Variants in SPATS2 observed in about 807,000 individuals in gnomAD.
SPATS2 encodes spermatogenesis-associated serine-rich protein 2.
SPATS2 carries 38 observed loss-of-function variants against 63.7 expected under a neutral mutation model. The ratio of observed to expected loss-of-function variants is 0.60; its 90% CI spans 0.46 to 0.78. The LOEUF is 0.78. Among genes scored for constraint, SPATS2 ranks in the 30% least tolerant of loss-of-function variants. The probability of loss-of-function intolerance (pLI) is 0.00; values close to 1 mark genes in which losing one functional copy is unlikely to be tolerated. For missense variants in SPATS2, 588 were observed against 666.2 expected (o/e 0.88, Z 1.29); for synonymous variants, 207 against 232.9 (o/e 0.89, Z 1.01).
rs368012483 is a variant in SPATS2 at position 49,461,000 on chromosome 12, C to A, written c.-13C>A. ...ACTTTTCTTGTATATTTTTTGAGAT[C>A]GAAGAAACGACAATGTCCAGGAAAC... On this transcript the variant is annotated 5_prime_UTR_variant, in exon 3 of 14. It introduces an in-frame stop codon into an upstream open reading frame of the 5' UTR. Transcript: ENST00000552918. 8 of 1,613,130 alleles carry A rather than the reference C, an allele frequency of 5.0e-6. No individual in the cohort carries two copies. The highest frequency in any genetic ancestry group is 2.7e-5 in the African/African-American group (2 of 74,836).
At chr12:49,456,599 G>A (rs973337160) in intron 2 of SPATS2, among the ~76,000 whole-genome samples, 1 of 152,246 alleles carries the variant, frequency 6.6e-6, no homozygotes, top group Non-Finnish European at 1.5e-5. Context: ...AGCAGCGAGA[G>A]TGGCAGAGTA....
intron 13 of SPATS2, 24 bp downstream of exon 13, chr12:49,524,920 A>G (rs746244181): frequency 1.2e-6 from 2 of 1,608,104 alleles, no homozygotes; most frequent in East Asian, 2.2e-5. Flanking sequence ...TACACTGAGC[A>G]TGTTAGGAAG....
rs760302441 is a variant in SPATS2, at chr12:49,526,482, G to GA, written c.*227_*228insA. 4 of 570,804 alleles carry GA rather than the reference G, an allele frequency of 7.0e-6. No individual in the cohort carries two copies. The highest frequency in any genetic ancestry group is 1.2e-5 in the Non-Finnish European group (4 of 340,686). 35.4% of individuals were successfully genotyped at this position (570,804 alleles called of 1,614,324 possible). A position where few individuals can be genotyped will look rare whatever the true frequency, so the allele number is the denominator to read the frequency against. ...TTCCCAGTGATATGGATTGAATCTG[G>GA]TTGGTCATTTCCACCAGGAATCAGA... On this transcript the variant is annotated 3_prime_UTR_variant, in exon 14 of 14. Coordinates refer to ENST00000552918, the MANE Select transcript of SPATS2 (RefSeq NM_023071.4).
rs138662755 is a variant in SPATS2 at position 49,439,832 on chromosome 12, C to T, written c.-243-20938C>T. On this transcript the variant is annotated intron_variant, in intron 2 of 13. Coordinates refer to ENST00000552918, the MANE Select transcript of SPATS2 (RefSeq NM_023071.4). ...GAACACCTGGCGTCTTTGCCCTTTC[C>T]TATGTCTTTACGCTGACATTAGTTT... Among the ~76,000 whole-genome samples the T allele has an allele frequency of 8.1e-4, 124 of 152,262 alleles. 1 individual carries two copies. The highest frequency in any genetic ancestry group is 2.7e-3 in the African/African-American group (113 of 41,548).
At chr12:49,498,145 A>AAAAAAATATATATATATAT (rs66900382) in intron 8 of SPATS2, among the ~76,000 whole-genome samples, 3 of 98,960 alleles carry the variant, frequency 3.0e-5, no homozygotes, top group Non-Finnish European at 5.6e-5. Flanking sequence ...AAAAAAAAAA[A>AAAAAAATATATATATATAT]ATATATATAT....
chr12:49,469,502 G>A (rs1203233744), intron 3 of SPATS2: 4 of 403,082 alleles, frequency 9.9e-6, no homozygotes, highest in Non-Finnish European at 1.9e-5. Flanking sequence ...TGAGGCCACG[G>A]TGAGCTGTGA....
At chr12:49,507,086 C>T (rs949282634) in intron 9 of SPATS2, among the ~76,000 whole-genome samples, 8 of 152,104 alleles carry the variant, frequency 5.3e-5, no homozygotes, top group Non-Finnish European at 1.0e-4. Context: ...TAAGAATACT[C>T]CATCTGAATA....
intron 2 of SPATS2, among the ~76,000 whole-genome samples, chr12:49,430,957 G>A (rs1945174936): frequency 6.6e-6 from 1 of 152,146 alleles, no homozygotes; most frequent in African/African-American, 2.4e-5. Context: ...GCCTCAGTGG[G>A]ATTACAGGCA....
chr12:49,379,438 C>T (rs528313895), intron 2 of SPATS2, among the ~76,000 whole-genome samples: 4 of 146,136 alleles, frequency 2.7e-5, no homozygotes, highest in African/African-American at 1.0e-4. Context: ...GTAGTCCCAG[C>T]TACTCAGGAG....
At chr12:49,412,370 T>G (rs1944812528) in intron 2 of SPATS2, among the ~76,000 whole-genome samples, 1 of 151,922 alleles carries the variant, frequency 6.6e-6, no homozygotes, top group South Asian at 2.1e-4. Flanking sequence ...AATTTTTGTG[T>G]TTTTGGTAGA....
At chr12:49,479,971 G>A (rs1946179301) in intron 3 of SPATS2, among the ~76,000 whole-genome samples, 3 of 152,148 alleles carry the variant, frequency 2.0e-5, no homozygotes, top group African/African-American at 7.2e-5. Flanking sequence ...TACCGTGACT[G>A]ATTTTCTCAT....
At chr12:49,429,602 C>G (rs958100260) in intron 2 of SPATS2, among the ~76,000 whole-genome samples, 1 of 151,688 alleles carries the variant, frequency 6.6e-6, no homozygotes, top group Non-Finnish European at 1.5e-5. Context: ...TGTGCCACCA[C>G]GTACCCAGCT....
In SPATS2 at chr12:49,421,547, C is replaced by A. The variant is rs144468602; in HGVS notation, c.-243-39223C>A. On this transcript the variant is annotated intron_variant, in intron 2 of 13. Transcript: ENST00000552918. ...CAGAATCAGATAACTAGGAAGGGTACACATTATGCAATGCCTAGTTTCCAT... is the reference window on the plus strand; with the variant it reads ...CAGAATCAGATAACTAGGAAGGGTAAACATTATGCAATGCCTAGTTTCCAT... Among the ~76,000 whole-genome samples the A allele has an allele frequency of 1.4e-3, 213 of 150,716 alleles. 1 individual carries two copies. The highest frequency in any genetic ancestry group is 4.8e-3 in the African/African-American group (196 of 40,930).
At chr12:49,451,415 T>C (rs1465293198) in intron 2 of SPATS2, among the ~76,000 whole-genome samples, 1 of 152,226 alleles carries the variant, frequency 6.6e-6, no homozygotes, top group African/African-American at 2.4e-5. Flanking sequence ...TCTCCTTTTA[T>C]GCAATTGTTT....
At chr12:49,462,487 G>A (rs1373515830) in intron 3 of SPATS2, 2 of 700,094 alleles carry the variant, frequency 2.9e-6, no homozygotes, top group South Asian at 3.0e-5. Flanking sequence ...ACAGCTCAGT[G>A]GGCCCTTTCC....
chr12:49,432,621 CTTTCTG>C (rs1421603590), intron 2 of SPATS2, among the ~76,000 whole-genome samples: 5 of 152,232 alleles, frequency 3.3e-5, no homozygotes, highest in Admixed American at 6.5e-5. Context: ...CACCATTCTA[CTTTCTG>C]TTTCTATGAG....
intron 6 of SPATS2, among the ~76,000 whole-genome samples, chr12:49,491,501 G>A (rs960558757): frequency 3.9e-5 from 6 of 151,930 alleles, no homozygotes; most frequent in Middle Eastern, 6.3e-3. Context: ...GATCACTTGC[G>A]CCCAGGAGTT....
At chr12:49,422,028 G>C (rs183850134) in intron 2 of SPATS2, among the ~76,000 whole-genome samples, 81 of 152,224 alleles carry the variant, frequency 5.3e-4, no homozygotes, top group African/African-American at 1.9e-3. Flanking sequence ...TTTTACCTGG[G>C]TGGCTGAACT....
intron 2 of SPATS2, among the ~76,000 whole-genome samples, chr12:49,407,906 G>T (rs1263513480): frequency 6.6e-6 from 1 of 152,192 alleles, no homozygotes; most frequent in Non-Finnish European, 1.5e-5. Context: ...GCTGAGTATT[G>T]TGACAGACCG....
Sources: allele counts gnomAD v4.1 joint callset (sites outside exome capture counted in the v4.1 genomes callset), GRCh38; gene constraint gnomAD v4.1.1; transcripts MANE v1.5; gene names NCBI Gene and HGNC (gene_info 2026-07-23, HGNC 2026-07-21).